ERC2: variants seen among roughly 807,000 people sequenced by gnomAD.
The protein encoded by ERC2 is ELKS/RAB6-interacting/CAST family member 2, also known as ERC protein 2.
ERC2 carries 42 observed loss-of-function variants against 114.8 expected under a neutral mutation model. The observed-to-expected ratio is 0.37, with a 90% CI of 0.29 to 0.47. ERC2 has a LOEUF of 0.47. Among genes scored for constraint, ERC2 ranks in the 20% least tolerant of loss-of-function variants. ERC2 has a pLI of 0.99. For synonymous variants in ERC2, 454 were observed against 425.5 expected, an observed-to-expected ratio of 1.07 and a Z score of -0.82; for missense variants, 939 against 1,150.7, an observed-to-expected ratio of 0.82 and a Z score of 2.66.
intron 3 of ERC2, among the ~76,000 whole-genome samples, chr3:56,253,618 T>C (rs2052327536): frequency 2.0e-5 from 3 of 152,176 alleles, no homozygotes; most frequent in Admixed American, 2.0e-4. Context: ...GAGATAACTG[T>C]AGGTGTACAG....
At chr3:55,679,778 C>T (rs1431355991) in intron 17 of ERC2, among the ~76,000 whole-genome samples, 1 of 152,212 alleles carries the variant, frequency 6.6e-6, no homozygotes, top group Non-Finnish European at 1.5e-5. Flanking sequence ...GCATAGAAAC[C>T]ACCACTTTGT....
At chr3:55,569,541 A>T (rs1499888) in intron 17 of ERC2, among the ~76,000 whole-genome samples, 22,496 of 152,216 alleles carry the variant, frequency 0.15, 1,860 homozygotes, top group Non-Finnish European at 0.19. Context: ...CTCTTCAAAG[A>T]TATCATGTTA....
At chr3:56,412,934 G>A (rs762712590) in intron 2 of ERC2, among the ~76,000 whole-genome samples, 11 of 152,100 alleles carry the variant, frequency 7.2e-5, no homozygotes, top group South Asian at 2.1e-4. Context: ...TTATCTTTAC[G>A]GGTGCACATT....
At chr3:56,029,553 G>A (rs1248353749) in intron 7 of ERC2, among the ~76,000 whole-genome samples, 1 of 151,930 alleles carries the variant, frequency 6.6e-6, no homozygotes, top group Non-Finnish European at 1.5e-5. Context: ...GTTACTTTTG[G>A]ATACTTTGTG....
At chr3:55,929,316 T>A (rs532101328) in intron 13 of ERC2, among the ~76,000 whole-genome samples, 219 of 152,260 alleles carry the variant, frequency 1.4e-3, no homozygotes, top group African/African-American at 5.0e-3. Flanking sequence ...AGAGACTCCC[T>A]CACAATGGCA....
intron 13 of ERC2, among the ~76,000 whole-genome samples, chr3:55,943,468 T>C (rs973962440): frequency 5.3e-5 from 8 of 152,052 alleles, no homozygotes; most frequent in African/African-American, 1.9e-4. Context: ...GTTTTTTTTT[T>C]CAGTGTACGA....
At chr3:55,980,753 A>G (rs12485264) in intron 12 of ERC2, among the ~76,000 whole-genome samples, 13,033 of 152,166 alleles carry the variant, frequency 0.086, 742 homozygotes, top group African/African-American at 0.14. Context: ...TTTAGAAAAA[A>G]AAAAAAGTAC....
At chr3:55,527,225 C>T (rs1393949315) in intron 17 of ERC2, among the ~76,000 whole-genome samples, 1 of 152,230 alleles carries the variant, frequency 6.6e-6, no homozygotes, top group African/African-American at 2.4e-5. Flanking sequence ...TCTGGGCCTC[C>T]ACTGCCCCAT....
chr3:56,070,938 T>G (rs1017681218), intron 7 of ERC2, among the ~76,000 whole-genome samples: 1 of 152,128 alleles, frequency 6.6e-6, no homozygotes. Flanking sequence ...ATCTCTCAAT[T>G]TAGCCATTAT....
At chr3:55,528,876 C>T (rs2053499344) in intron 17 of ERC2, among the ~76,000 whole-genome samples, 1 of 152,156 alleles carries the variant, frequency 6.6e-6, no homozygotes, top group African/African-American at 2.4e-5. Context: ...TGCCAAATGT[C>T]CCTGGGGGTG....
intron 2 of ERC2, among the ~76,000 whole-genome samples, chr3:56,389,994 T>G (rs1324537315): frequency 6.6e-6 from 1 of 152,174 alleles, no homozygotes; most frequent in Non-Finnish European, 1.5e-5. Context: ...GCTGAAATTT[T>G]AACAATGAAA....
At chr3:55,531,286 T>G (rs1054056522) in intron 17 of ERC2, among the ~76,000 whole-genome samples, 1 of 152,074 alleles carries the variant, frequency 6.6e-6, no homozygotes, top group Non-Finnish European at 1.5e-5. Context: ...CCAACACAAT[T>G]TGGAATGAAT....
At chr3:55,750,003 C>G (rs959113775) in intron 14 of ERC2, among the ~76,000 whole-genome samples, 1 of 152,160 alleles carries the variant, frequency 6.6e-6, no homozygotes, top group African/African-American at 2.4e-5. Context: ...TGACTGCATA[C>G]CTATAGGTGG....
intron 17 of ERC2, among the ~76,000 whole-genome samples, chr3:55,582,430 T>A (rs534969817): frequency 6.6e-6 from 1 of 152,346 alleles, no homozygotes; most frequent in South Asian, 2.1e-4. Context: ...GTGTCAAGTA[T>A]CTATGAAGTG....
At chr3:56,383,254 A>G (rs1339082496) in intron 2 of ERC2, among the ~76,000 whole-genome samples, 2 of 152,058 alleles carry the variant, frequency 1.3e-5, no homozygotes, top group East Asian at 3.9e-4. Flanking sequence ...AAAACATCCC[A>G]TCGCCCTTCT....
chr3:56,069,724 C>CTGA (rs2076639422), intron 7 of ERC2, among the ~76,000 whole-genome samples: 1 of 152,130 alleles, frequency 6.6e-6, no homozygotes, highest in Admixed American at 6.5e-5. Flanking sequence ...TATCTAAGGA[C>CTGA]TGATTATATG....
At chr3:56,392,630 T>C (rs954632566) in intron 2 of ERC2, among the ~76,000 whole-genome samples, 5 of 152,178 alleles carry the variant, frequency 3.3e-5, no homozygotes, top group African/African-American at 9.7e-5. Flanking sequence ...AATTCTCAGA[T>C]TGGGGAAAAG....
At chr3:55,754,118 GTTA>G (rs1379313132) in intron 14 of ERC2, among the ~76,000 whole-genome samples, 1 of 151,942 alleles carries the variant, frequency 6.6e-6, no homozygotes, top group African/African-American at 2.4e-5. Context: ...GGTTCATTAA[GTTA>G]TTATCGGCTA....
At chr3:55,962,737 T>A (rs762352682) in intron 12 of ERC2, among the ~76,000 whole-genome samples, 15 of 152,244 alleles carry the variant, frequency 9.9e-5, no homozygotes, top group Non-Finnish European at 1.8e-4. Context: ...AGCTAGTGAA[T>A]ATCAGAGCCA....
Sources: allele counts gnomAD v4.1 joint callset (sites outside exome capture counted in the v4.1 genomes callset), GRCh38; gene constraint gnomAD v4.1.1; transcripts MANE v1.5; gene names NCBI Gene and HGNC (gene_info 2026-07-23, HGNC 2026-07-21).